Variants in PTGES3 observed in about 807,000 individuals in gnomAD.
PTGES3 encodes the protein Hsp90 co-chaperone.
A neutral mutation model predicts 29.9 loss-of-function variants in PTGES3; 5 were observed. The ratio of observed to expected loss-of-function variants is 0.17; its 90% CI spans 0.09 to 0.35. The LOEUF is 0.35. Among genes scored for constraint, PTGES3 ranks in the 10% least tolerant of loss-of-function variants. The pLI is 1.00. For synonymous variants in PTGES3, 49 were observed against 57.8 expected (o/e 0.85, Z 0.69); for missense variants, 128 against 190.0 (o/e 0.67, Z 1.92).
At chr12:56,681,796 G>A (rs1317265975) in intron 1 of PTGES3, among the ~76,000 whole-genome samples, 1 of 151,576 alleles carries the variant, frequency 6.6e-6, no homozygotes, top group East Asian at 2.0e-4. Flanking sequence ...GGCAGAGCTT[G>A]CAGTGAGCCG....
chr12:56,671,546 G>C (rs1485929119), intron 4 of PTGES3, among the ~76,000 whole-genome samples: 3 of 152,108 alleles, frequency 2.0e-5, no homozygotes, highest in African/African-American at 7.2e-5. Flanking sequence ...TGTCTCTTAA[G>C]TACAAAAGAT....
rs1952974656 is a variant in PTGES3 at position 56,688,105 on chromosome 12, CGGT to C, written c.-109_-107del. 7.0e-7 allele frequency: 1 copy of C among 1,426,840 alleles called. No homozygotes were observed. Among genetic ancestry groups the C allele is most frequent in the Non-Finnish European group, 9.2e-7 (1 of 1,091,334 alleles). 88.4% of individuals were successfully genotyped at this position (1,426,840 alleles called of 1,614,324 possible). On this transcript the variant is annotated 5_prime_UTR_variant, in exon 1 of 8. Coordinates refer to ENST00000262033, the MANE Select transcript of PTGES3 (RefSeq NM_006601.7). The stretch of plus-strand genomic sequence containing the variant: ...CGGTGGCGACTCCGCTTTTTCTCTC[CGGT>C]CGCGGCCTCTTCTCGCTTCCCTCAG...
intron 1 of PTGES3, among the ~76,000 whole-genome samples, chr12:56,675,553 T>G (rs1027294443): frequency 2.9e-5 from 4 of 139,250 alleles, no homozygotes; most frequent in Non-Finnish European, 6.1e-5. Context: ...GTGAATGAGA[T>G]AAGAGATATT....
At chr12:56,683,296 C>A (rs1952641692) in intron 1 of PTGES3, among the ~76,000 whole-genome samples, 1 of 151,054 alleles carries the variant, frequency 6.6e-6, no homozygotes, top group Non-Finnish European at 1.5e-5. Flanking sequence ...CCAGCCTGAC[C>A]AACATGGAGA....
chr12:56,671,434 C>G (rs1277538656), intron 4 of PTGES3, among the ~76,000 whole-genome samples: 1 of 152,078 alleles, frequency 6.6e-6, no homozygotes, highest in Non-Finnish European at 1.5e-5. Flanking sequence ...TTAAACATAC[C>G]TTTTGAAAAC....
At chr12:56,666,463 A>C (rs188119708) in intron 5 of PTGES3, among the ~76,000 whole-genome samples, 197 bp from the exon 6 acceptor site, 1 of 152,318 alleles carries the variant, frequency 6.6e-6, no homozygotes, top group African/African-American at 2.4e-5. Flanking sequence ...TATGGAAATT[A>C]AAACTAAATT....
At chr12:56,683,734 C>T (rs1437327698) in intron 1 of PTGES3, among the ~76,000 whole-genome samples, 1 of 151,236 alleles carries the variant, frequency 6.6e-6, no homozygotes, top group South Asian at 2.1e-4. Context: ...CCGAGGCAGG[C>T]GGATCACGAG....
At chr12:56,675,088 T>A (rs917748238) in intron 1 of PTGES3, among the ~76,000 whole-genome samples, 1 of 144,540 alleles carries the variant, frequency 6.9e-6, no homozygotes, top group African/African-American at 2.6e-5. Context: ...GATCACGAGG[T>A]CAGGAGTTCG....
At chr12:56,667,648 T>C (rs893238567) in intron 5 of PTGES3, among the ~76,000 whole-genome samples, 8 of 152,006 alleles carry the variant, frequency 5.3e-5, no homozygotes, top group African/African-American at 1.2e-4. Flanking sequence ...CACACAAAAA[T>C]AGAGAGTAGA....
At chr12:56,666,048 T>C (rs1012355522) in intron 6 of PTGES3, 156 bp downstream of exon 6, 4 of 1,395,598 alleles carry the variant, frequency 2.9e-6, no homozygotes, top group Non-Finnish European at 3.7e-6. Flanking sequence ...CCCCCATTCG[T>C]CAAAAATGGG....
chr12:56,679,392 G>A, intron 1 of PTGES3, among the ~76,000 whole-genome samples: 1 of 118,156 alleles, frequency 8.5e-6, no homozygotes, highest in Non-Finnish European at 1.6e-5. Flanking sequence ...CTGGGCAACA[G>A]AGTGAGACTC....
rs780730929 is a variant in PTGES3 at position 56,663,650 on chromosome 12, C to T, written c.*829G>A. On this transcript the variant is annotated 3_prime_UTR_variant, in exon 8 of 8. Transcript: ENST00000262033. Reference sequence around the variant, plus strand: ...ATGTAGACATTTAAAAAAATCCCCACTGTCATGAACATAAATTGAGGTTTT... The same window carrying T: ...ATGTAGACATTTAAAAAAATCCCCATTGTCATGAACATAAATTGAGGTTTT... 3 of 152,230 alleles carry T rather than the reference C, an allele frequency of 2.0e-5. No homozygotes were observed. The highest frequency in any genetic ancestry group is 4.4e-5 in the Non-Finnish European group (3 of 67,994). 9.4% of individuals were successfully genotyped at this position (152,230 alleles called of 1,614,324 possible).
chr12:56,680,303 G>A (rs1160148380), intron 1 of PTGES3, among the ~76,000 whole-genome samples: 1 of 151,450 alleles, frequency 6.6e-6, no homozygotes, highest in Non-Finnish European at 1.5e-5. Context: ...TCTCGAACTC[G>A]GCCTCAAGTG....
intron 6 of PTGES3, chr12:56,665,180 G>A: frequency 1.0e-6 from 1 of 985,154 alleles, no homozygotes; most frequent in Non-Finnish European, 1.2e-6. Context: ...TTTCTAAATA[G>A]CATTAAATAA....
intron 1 of PTGES3, among the ~76,000 whole-genome samples, chr12:56,681,461 C>T (rs1952537297): frequency 7.0e-6 from 1 of 142,398 alleles, no homozygotes; most frequent in South Asian, 2.3e-4. Flanking sequence ...TGGCGTGAAC[C>T]CGGGAGGCGG....
chr12:56,665,891 GA>G (rs778373624), intron 6 of PTGES3: 50 of 962,096 alleles, frequency 5.2e-5, no homozygotes, highest in Non-Finnish European at 6.3e-5. Context: ...GGCCTGCTGG[GA>G]TAACAGACAT....
At chr12:56,683,473 C>CAAAAAAAAAAA (rs71081388) in intron 1 of PTGES3, among the ~76,000 whole-genome samples, 1,675 of 29,732 alleles carry the variant, frequency 0.056, 489 homozygotes, top group Non-Finnish European at 0.076. Flanking sequence ...AACTCTGTCT[C>CAAAAAAAAAAA]AAAAAAAAAA....
chr12:56,670,495 A>G (rs925441043), intron 4 of PTGES3, 131 bp from the exon 5 acceptor site: 3 of 655,508 alleles, frequency 4.6e-6, no homozygotes, highest in Non-Finnish European at 8.1e-6. Context: ...TGCAGCAAGC[A>G]TTCACAGGTG....
At chr12:56,687,915 G>A (rs755367145) in intron 1 of PTGES3, 83 bp downstream of exon 1, 7 of 1,601,566 alleles carry the variant, frequency 4.4e-6, no homozygotes, top group East Asian at 2.3e-5. Flanking sequence ...ATGCGAGAAA[G>A]GCTAGGGGGC....
Sources: gnomAD v4.1 joint callset for allele counts (sites outside exome capture counted in the v4.1 genomes callset) on GRCh38, gnomAD v4.1.1 for gene constraint, MANE v1.5 for transcripts, NCBI Gene and HGNC (gene_info 2026-07-23, HGNC 2026-07-21) for gene names.